CHCHD3: variants seen among roughly 807,000 people sequenced by gnomAD.
CHCHD3 encodes MICOS complex subunit MIC19.
CHCHD3 carries 20 observed loss-of-function variants against 38.2 expected under a neutral mutation model. That is an observed-to-expected ratio of 0.52 (90% CI 0.37 to 0.76). CHCHD3 has a LOEUF of 0.76. CHCHD3 is among the 30% of genes least tolerant of loss of function. CHCHD3 has a pLI of 0.00. For synonymous variants in CHCHD3, 82 were observed against 100.0 expected, an observed-to-expected ratio of 0.82 and a Z score of 1.07; for missense variants, 245 against 279.2, an observed-to-expected ratio of 0.88 and a Z score of 0.87.
intron 6 of CHCHD3, among the ~76,000 whole-genome samples, chr7:132,806,534 A>G (rs1806925330): frequency 6.6e-6 from 1 of 152,214 alleles, no homozygotes; most frequent in African/African-American, 2.4e-5. Context: ...TTTAGATGAG[A>G]TAATGGAATT....
At chr7:132,931,581 G>A (rs767070542) in intron 4 of CHCHD3, among the ~76,000 whole-genome samples, 6 of 152,196 alleles carry the variant, frequency 3.9e-5, no homozygotes, top group Admixed American at 3.3e-4. Flanking sequence ...TTAGCCTTCC[G>A]TATAATTTTA....
chr7:132,876,059 C>G (rs1282092987), intron 5 of CHCHD3, among the ~76,000 whole-genome samples: 1 of 152,218 alleles, frequency 6.6e-6, no homozygotes, highest in African/African-American at 2.4e-5. Flanking sequence ...CACTTTCTAA[C>G]AGAAGCACTG....
chr7:132,929,878 TG>T (rs1477542579), intron 4 of CHCHD3, among the ~76,000 whole-genome samples: 2 of 152,116 alleles, frequency 1.3e-5, no homozygotes, highest in African/African-American at 4.8e-5. Context: ...ACAGAACCTA[TG>T]GTTCTGATTG....
intron 1 of CHCHD3, among the ~76,000 whole-genome samples, chr7:133,071,023 C>T (rs1814805954): frequency 6.6e-6 from 1 of 152,176 alleles, no homozygotes; most frequent in Non-Finnish European, 1.5e-5. Flanking sequence ...CAGAATTTGC[C>T]ACCGTTAGAC....
chr7:132,973,133 G>C (rs899242839), intron 4 of CHCHD3: 32 of 985,270 alleles, frequency 3.2e-5, no homozygotes, highest in Non-Finnish European at 3.7e-5. Flanking sequence ...CATAAACTAA[G>C]AGAGTAAGAC....
intron 1 of CHCHD3, among the ~76,000 whole-genome samples, chr7:133,077,935 A>C (rs185898394): frequency 8.7e-4 from 132 of 152,344 alleles, no homozygotes; most frequent in African/African-American, 2.9e-3. Flanking sequence ...GGTAGGTGAG[A>C]AGAAATTTTA....
At chr7:133,003,079 G>C (rs1319190930) in intron 3 of CHCHD3, among the ~76,000 whole-genome samples, 5 of 152,136 alleles carry the variant, frequency 3.3e-5, no homozygotes, top group Non-Finnish European at 5.9e-5. Context: ...GGTCAATTCG[G>C]ATAGTTTATG....
rs145319673 is a variant in CHCHD3, at chr7:132,891,208, C to G, written c.370-5463G>C. On this transcript the variant is annotated intron_variant, in intron 4 of 7. Coordinates refer to ENST00000262570, the MANE Select transcript of CHCHD3 (RefSeq NM_017812.4). ...TACATAGGGTTCAATGAGTCTTTAC[C>G]AAGTGGCATTAATACACAAAGTATT... Among the ~76,000 whole-genome samples the G allele has an allele frequency of 3.7e-3, 566 of 152,186 alleles. 3 individuals are homozygous for G. Among genetic ancestry groups the G allele is most frequent in the African/African-American group, 0.013 (544 of 41,514 alleles).
Position 132,891,994 on chromosome 7 carries a change from T to C in CHCHD3, c.370-6249A>G, listed in dbSNP as rs140504888. On this transcript the variant is annotated intron_variant, in intron 4 of 7. Transcript: ENST00000262570. ...ACTGTGAGTTAATTAAATCTCTTTC[T>C]TTTATAAATTAACTACTCTTGGGTA... 6.6e-3 allele frequency among the ~76,000 whole-genome samples: 1,002 copies of C among 152,356 alleles called. 11 individuals carry two copies. Among genetic ancestry groups the C allele is most frequent in the African/African-American group, 0.022 (930 of 41,584 alleles).
chr7:133,014,085 C>G (rs1176028163), intron 3 of CHCHD3, among the ~76,000 whole-genome samples: 1 of 151,986 alleles, frequency 6.6e-6, no homozygotes. Context: ...TGGTTTTAAT[C>G]CAACAACCCC....
At position 132,788,867 on chromosome 7, in the gene CHCHD3, G is replaced by T. The variant is rs1042397142; in HGVS notation, c.661-3207C>A. ...TGATCTATAAACATTTTGTCAAACT[G>T]CACTCACTTGCTACCAAAGGGTGGC... On this transcript the variant is annotated intron_variant, in intron 7 of 7. Transcript: ENST00000262570. The surrounding 1 kb of genome is among the most constrained non-coding windows in gnomAD (Gnocchi z 4.0). Among the ~76,000 whole-genome samples, 14 of 152,308 alleles carry T rather than the reference G, an allele frequency of 9.2e-5. No individual in the cohort carries two copies. The South Asian group carries it at 2.9e-3, about 32-fold the overall frequency.
intron 1 of CHCHD3, among the ~76,000 whole-genome samples, chr7:133,076,418 G>C (rs1000474661): frequency 6.6e-6 from 1 of 152,124 alleles, no homozygotes; most frequent in Non-Finnish European, 1.5e-5. Flanking sequence ...TGAACTAAAA[G>C]AGCCACCATT....
intron 5 of CHCHD3, among the ~76,000 whole-genome samples, chr7:132,863,086 A>C (rs1220268644): frequency 6.6e-6 from 1 of 152,198 alleles, no homozygotes; most frequent in Admixed American, 6.5e-5. Context: ...AATGTTCTTA[A>C]TGGCATCTAG....
At chr7:132,790,974 G>A (rs2117020852) in intron 7 of CHCHD3, among the ~76,000 whole-genome samples, 1 of 152,278 alleles carries the variant, frequency 6.6e-6, no homozygotes, top group East Asian at 1.9e-4. Flanking sequence ...TCCTAGGGTT[G>A]GTCTGATGAG....
intron 4 of CHCHD3, among the ~76,000 whole-genome samples, chr7:132,938,303 A>C (rs80323676): frequency 0.017 from 2,654 of 152,306 alleles, 51 homozygotes; most frequent in East Asian, 0.11. Flanking sequence ...TTGAGGTTAA[A>C]TGACTTGCTC....
chr7:133,055,561 TTTA>T (rs1019183001), intron 2 of CHCHD3, among the ~76,000 whole-genome samples: 39 of 147,112 alleles, frequency 2.7e-4, no homozygotes, highest in Admixed American at 2.0e-3. Context: ...TTATTATGTA[TTTA>T]TTATAATTAA....
At position 133,049,141 on chromosome 7, in the gene CHCHD3, T is replaced by C. The variant is rs1344629285; in HGVS notation, c.169+21001A>G. Among the ~76,000 whole-genome samples, 3 of 152,180 alleles carry C rather than the reference T, an allele frequency of 2.0e-5. No individual in the cohort carries two copies. In the East Asian group the frequency reaches 5.8e-4, roughly 29 times the overall value. On this transcript the variant is annotated intron_variant, in intron 2 of 7. Transcript: ENST00000262570. ...TCTCTATACAAACATAACACGCACATACACACACAAATATTTTCTTCTGAA... is the reference window on the plus strand; with the variant it reads ...TCTCTATACAAACATAACACGCACACACACACACAAATATTTTCTTCTGAA...
intron 5 of CHCHD3, among the ~76,000 whole-genome samples, chr7:132,880,793 A>C (rs1267606964): frequency 1.3e-5 from 2 of 152,168 alleles, no homozygotes; most frequent in Non-Finnish European, 2.9e-5. Context: ...TGTCAATTAT[A>C]CAACAAACAA....
intron 3 of CHCHD3, among the ~76,000 whole-genome samples, chr7:132,982,026 ACC>A (rs1452972477): frequency 5.9e-5 from 9 of 152,208 alleles, no homozygotes; most frequent in Non-Finnish European, 1.0e-4. Context: ...TTTTGTCAGA[ACC>A]TGCCGAACCA....
Sources: gnomAD v4.1 joint callset for allele counts (sites outside exome capture counted in the v4.1 genomes callset) on GRCh38, gnomAD v4.1.1 for gene constraint, Gnocchi (gnomAD v3.1) non-coding constraint, MANE v1.5 for transcripts, NCBI Gene and HGNC (gene_info 2026-07-23, HGNC 2026-07-21) for gene names.